Variants in CFAP251 observed in about 807,000 individuals in gnomAD.
The protein encoded by CFAP251 is cilia and flagella associated protein 251.
In CFAP251, 93 loss-of-function variants were observed where a neutral mutation model predicts 126.7. That is an observed-to-expected ratio of 0.73 (90% CI 0.62 to 0.87). The LOEUF (loss-of-function observed/expected upper bound fraction) is 0.87, where lower values mean the gene tolerates loss of function less well. Among genes scored for constraint, CFAP251 ranks in the 40% least tolerant of loss-of-function variants. The pLI is 0.00. For missense variants in CFAP251, 1,287 were observed against 1,389.2 expected (o/e 0.93, Z 1.17); for synonymous variants, 503 against 506.9 (o/e 0.99, Z 0.10).
At chr12:121,953,505 G>A (rs982840879) in intron 9 of CFAP251, 5 of 152,224 alleles carry the variant, frequency 3.3e-5, no homozygotes, top group Non-Finnish European at 4.4e-5. Context: ...CACAAATAAT[G>A]AGCCATTTGA....
chr12:121,927,095 TC>T (rs1880448717), intron 3 of CFAP251, among the ~76,000 whole-genome samples: 1 of 152,018 alleles, frequency 6.6e-6, no homozygotes, highest in Non-Finnish European at 1.5e-5. Context: ...CTGTGACTGC[TC>T]CTCTCCTGAC....
chr12:121,960,694 T>A lies in CFAP251; in HGVS notation c.2243T>A (p.Leu748Gln). Residue 748 changes from leucine to glutamine, a missense_variant, in exon 14 of 22, where the codon CTG becomes CAG. Transcript: ENST00000288912. Reference sequence around the variant, plus strand: ...CATCGCAAAAGCATTCGAAGTCTCCTGTTTGGGGTTTACCTGGACAGCAAT... The same window carrying A: ...CATCGCAAAAGCATTCGAAGTCTCCAGTTTGGGGTTTACCTGGACAGCAAT... ...RSHRKSIRSL[L>Q]FGVYLDSNEP... The A allele has an allele frequency of 6.2e-7, 1 of 1,614,068 alleles. No homozygotes were observed. Among genetic ancestry groups the A allele is most frequent in the Non-Finnish European group, 8.5e-7 (1 of 1,179,950 alleles).
intron 19 of CFAP251, among the ~76,000 whole-genome samples, chr12:121,992,825 C>T (rs1882906028): frequency 6.6e-6 from 1 of 152,180 alleles, no homozygotes; most frequent in Non-Finnish European, 1.5e-5. Flanking sequence ...CCACTCCAGC[C>T]TCCTAAAGTG....
intron 17 of CFAP251, among the ~76,000 whole-genome samples, chr12:121,971,143 A>G (rs558948455): frequency 2.6e-5 from 4 of 152,308 alleles, no homozygotes; most frequent in Admixed American, 2.6e-4. Context: ...CCAGAGCCAC[A>G]TGGCTAAAAG....
rs187353036 is a variant in CFAP251, at chr12:121,930,943, T to C, written c.748-803T>C. Among the ~76,000 whole-genome samples, 106 of 152,166 alleles carry C rather than the reference T, an allele frequency of 7.0e-4. 2 individuals are homozygous for C. The East Asian group carries it at 0.019, about 28-fold the overall frequency. ...TTTGTGTTTTTAGTAGAGATGAGGT[T>C]TCACCATTTTGGCCAGGCTGGTCTA... On this transcript the variant is annotated intron_variant, in intron 3 of 21. Coordinates refer to ENST00000288912, the MANE Select transcript of CFAP251 (RefSeq NM_144668.6).
At chr12:121,962,907 C>T (rs2309275) in intron 15 of CFAP251, among the ~76,000 whole-genome samples, 38,811 of 151,812 alleles carry the variant, frequency 0.26, 6,034 homozygotes, top group East Asian at 0.49. Flanking sequence ...TGGGAAATGC[C>T]GCGAAGGCTG....
chr12:121,999,681 C>A, intron 19 of CFAP251, 35 bp from the exon 20 acceptor site: 2 of 1,532,122 alleles, frequency 1.3e-6, no homozygotes, highest in Non-Finnish European at 1.8e-6. Context: ...TTTCTATTTA[C>A]TGTGGTCTTT....
chr12:121,969,108 C>T, intron 17 of CFAP251: 2 of 985,424 alleles, frequency 2.0e-6, no homozygotes, highest in Non-Finnish European at 2.4e-6. Flanking sequence ...CTCAGAGGCA[C>T]CTTCCTTCCT....
At chr12:121,930,081 C>T (rs1880619151) in intron 3 of CFAP251, among the ~76,000 whole-genome samples, 1 of 152,232 alleles carries the variant, frequency 6.6e-6, no homozygotes, top group Admixed American at 6.5e-5. Flanking sequence ...CACTTACCAA[C>T]ACGCATGTAA....
chr12:122,003,812 T>C lies in CFAP251; in HGVS notation c.*48T>C. The C allele has an allele frequency of 7.1e-7, 1 of 1,409,640 alleles. No homozygotes were observed. The highest frequency in any genetic ancestry group is 1.3e-5 in the South Asian group (1 of 75,046). 87.3% of individuals were successfully genotyped at this position (1,409,640 alleles called of 1,614,324 possible). A position where few individuals can be genotyped will look rare whatever the true frequency, so the allele number is the denominator to read the frequency against. ...ACAAAGGACTTTGGGTGTGTGTGCA[T>C]GCACATGTGTGTGTTTTCCATGAGG... is the stretch of plus-strand genomic sequence containing the variant. On this transcript the variant is annotated 3_prime_UTR_variant, in exon 22 of 22. Coordinates refer to ENST00000288912, the MANE Select transcript of CFAP251 (RefSeq NM_144668.6).
chr12:122,003,441 C>T (rs764765886), intron 21 of CFAP251, among the ~76,000 whole-genome samples: 4 of 151,824 alleles, frequency 2.6e-5, no homozygotes, highest in Non-Finnish European at 4.4e-5. Flanking sequence ...GGCGTGGTGG[C>T]GTGTGCCTGT....
intron 9 of CFAP251, among the ~76,000 whole-genome samples, chr12:121,952,171 GT>G (rs1170501652): frequency 6.7e-6 from 1 of 150,020 alleles, no homozygotes; most frequent in East Asian, 2.0e-4. Context: ...GGAGACTGAG[GT>G]GAGAGGATCA....
chr12:121,942,577 G>A lies in CFAP251; in HGVS notation c.1042G>A (p.Gly348Ser). 6.2e-7 allele frequency: 1 copy of A among 1,613,888 alleles called. No individual in the cohort carries two copies. ...ATTTGACAGCTGCCCTGAAGGGAAT[G>A]GCATCATGGCCATGGCCATGACCCA... ...TIFDSCPEGN[G>S]IMAMAMTHDA... is the part of the protein sequence containing the mutation. Residue 348 changes from glycine (G) to serine (S), a missense_variant, in exon 6 of 22, where the codon GGC becomes AGC. Coordinates refer to ENST00000288912, the MANE Select transcript of CFAP251 (RefSeq NM_144668.6).
chr12:121,998,435 ATATAT>A (rs1883070820), intron 19 of CFAP251: 2 of 312 alleles, frequency 6.4e-3, no homozygotes, highest in Middle Eastern at 0.25. Flanking sequence ...TTAGTGTAAT[ATATAT>A]ATATATATAT....
intron 8 of CFAP251, 98 bp downstream of exon 8, chr12:121,949,159 T>C: frequency 2.9e-6 from 2 of 701,442 alleles, no homozygotes; most frequent in Admixed American, 3.0e-5. Flanking sequence ...ATAGTATCTC[T>C]ACTTAGGAAG....
intron 11 of CFAP251, among the ~76,000 whole-genome samples, chr12:121,957,479 T>C (rs933198165): frequency 3.4e-5 from 5 of 147,970 alleles, no homozygotes; most frequent in African/African-American, 1.2e-4. Flanking sequence ...CCAAGGCGGG[T>C]GGATCACGAG....
At chr12:121,965,824 T>TC (rs1332378408) in intron 15 of CFAP251, among the ~76,000 whole-genome samples, 44 of 149,780 alleles carry the variant, frequency 2.9e-4, no homozygotes, top group African/African-American at 8.3e-4. Flanking sequence ...CTTCTTCTTT[T>TC]TTTTTTTTTT....
At chr12:121,979,458 G>A (rs1376881506) in intron 19 of CFAP251, among the ~76,000 whole-genome samples, 2 of 152,024 alleles carry the variant, frequency 1.3e-5, no homozygotes, top group African/African-American at 4.8e-5. Flanking sequence ...GCACAGGCTT[G>A]GGATTCTCTA....
At chr12:122,002,615 G>A (rs186309591) in intron 21 of CFAP251, among the ~76,000 whole-genome samples, 3 of 152,274 alleles carry the variant, frequency 2.0e-5, no homozygotes, top group Admixed American at 6.5e-5. Context: ...TACAAGCCCA[G>A]CTACAAGCTG....
Sources: gnomAD v4.1 joint callset for allele counts (sites outside exome capture counted in the v4.1 genomes callset) on GRCh38, gnomAD v4.1.1 for gene constraint, MANE v1.5 for transcripts, NCBI Gene and HGNC (gene_info 2026-07-23, HGNC 2026-07-21) for gene names.